Variants in DCDC1 observed in about 807,000 individuals in gnomAD.
The protein encoded by DCDC1 is doublecortin domain containing 1, also known as doublecortin domain-containing protein 1.
Under a neutral mutation model 178.3 loss-of-function variants are expected in DCDC1, and 200 were observed. The ratio of observed to expected loss-of-function variants is 1.12; its 90% CI spans 1.00 to 1.26. DCDC1 has a LOEUF of 1.26. Ranked by LOEUF, DCDC1 falls within the 50% of genes most tolerant of loss-of-function variation. The probability of loss-of-function intolerance (pLI) is 0.00; values close to 1 mark genes in which losing one functional copy is unlikely to be tolerated. For missense variants in DCDC1, 1,983 were observed against 1,749.2 expected (o/e 1.13, Z -2.38); for synonymous variants, 690 against 604.8 (o/e 1.14, Z -2.07).
chr11:31,060,501 T>C (rs993967312), intron 20 of DCDC1, among the ~76,000 whole-genome samples: 4 of 152,118 alleles, frequency 2.6e-5, no homozygotes, highest in Non-Finnish European at 5.9e-5. Flanking sequence ...GACTTTAAAA[T>C]TTAAATACTG....
chr11:31,098,006 T>C (rs1003566907), intron 15 of DCDC1, among the ~76,000 whole-genome samples: 1 of 152,214 alleles, frequency 6.6e-6, no homozygotes, highest in Non-Finnish European at 1.5e-5. Flanking sequence ...TATAATTTGA[T>C]GTTTTTCTTG....
At chr11:30,921,156 A>T (rs1340010941) in intron 24 of DCDC1, among the ~76,000 whole-genome samples, 1 of 152,186 alleles carries the variant, frequency 6.6e-6, no homozygotes, top group African/African-American at 2.4e-5. Flanking sequence ...CTTTCCAAAG[A>T]TCAGTTAATT....
chr11:30,950,640 CA>C (rs1196032153), intron 21 of DCDC1, among the ~76,000 whole-genome samples: 1 of 151,666 alleles, frequency 6.6e-6, no homozygotes, highest in Admixed American at 6.6e-5. Flanking sequence ...TACATAGGAG[CA>C]AAAAAATAAA....
At position 30,905,038 on chromosome 11, in the gene DCDC1, C is replaced by T. The variant is rs781180904; in HGVS notation, c.4231G>A (p.Ala1411Thr). Residue 1411 changes from alanine (A) to threonine (T), a missense_variant, in exon 31 of 39, where the codon GCA becomes ACA. By Grantham distance (58) the Ala-to-Thr change is moderately conservative (BLOSUM62 0). Transcript: ENST00000684477. ...TTTTTGTATGCAATTATTTTCACTG[C>T]CTTCTGGTGTGTGGCTGCCATGCCA... is the stretch of plus-strand genomic sequence containing the variant. ...HSGMAATHQK[A>T]VKIIAYKNGD... 6.2e-7 allele frequency: 1 copy of T among 1,613,868 alleles called. No individual in the cohort carries two copies. Among genetic ancestry groups the T allele is most frequent in the South Asian group, 1.1e-5 (1 of 91,084 alleles).
At chr11:31,361,956 T>C (rs1273330768) in intron 1 of DCDC1, among the ~76,000 whole-genome samples, 2 of 152,328 alleles carry the variant, frequency 1.3e-5, no homozygotes, top group Non-Finnish European at 2.9e-5. Context: ...TATTGTGGGC[T>C]AAGATCAAAA....
At chr11:31,040,220 A>G (rs1300744582) in intron 20 of DCDC1, among the ~76,000 whole-genome samples, 1 of 152,188 alleles carries the variant, frequency 6.6e-6, no homozygotes, top group Non-Finnish European at 1.5e-5. Flanking sequence ...TATAAATACT[A>G]AGTGTCTTAC....
chr11:31,188,460 C>T (rs1402964114), intron 9 of DCDC1, among the ~76,000 whole-genome samples: 1 of 152,154 alleles, frequency 6.6e-6, no homozygotes, highest in Non-Finnish European at 1.5e-5. Flanking sequence ...AATTATAGAA[C>T]AGAAAGGCAG....
intron 23 of DCDC1, among the ~76,000 whole-genome samples, chr11:30,924,951 T>C (rs1946500513): frequency 6.6e-6 from 1 of 151,762 alleles, no homozygotes; most frequent in African/African-American, 2.4e-5. Flanking sequence ...CACATGCCTA[T>C]AATCCCAGCT....
At chr11:31,098,627 C>T (rs924116481) in intron 15 of DCDC1, among the ~76,000 whole-genome samples, 2 of 152,314 alleles carry the variant, frequency 1.3e-5, no homozygotes, top group South Asian at 4.1e-4. Flanking sequence ...TTGTAATCCT[C>T]TTAGTGTGTT....
intron 11 of DCDC1, among the ~76,000 whole-genome samples, chr11:31,111,556 C>G (rs1295337764): frequency 6.6e-6 from 1 of 152,094 alleles, no homozygotes; most frequent in Admixed American, 6.6e-5. Context: ...AAGTAATAAT[C>G]CTGAGTAAAG....
chr11:30,870,742 C>A (rs1359689213), intron 38 of DCDC1, among the ~76,000 whole-genome samples: 1 of 152,114 alleles, frequency 6.6e-6, no homozygotes, highest in Non-Finnish European at 1.5e-5. Flanking sequence ...ATCAAAGTCA[C>A]AGATTCTAAC....
chr11:31,235,409 A>C (rs1976331453), intron 9 of DCDC1, among the ~76,000 whole-genome samples: 1 of 151,964 alleles, frequency 6.6e-6, no homozygotes. Context: ...AGTAGAAAAA[A>C]AAAACACAAC....
At chr11:30,977,766 C>CA in intron 20 of DCDC1, among the ~76,000 whole-genome samples, 2 of 151,906 alleles carry the variant, frequency 1.3e-5, no homozygotes, top group Admixed American at 6.6e-5. Context: ...CCCATCTCTA[C>CA]AAAAAAATAC....
chr11:31,061,984 GA>G (rs1037095830), intron 20 of DCDC1, among the ~76,000 whole-genome samples: 2 of 152,038 alleles, frequency 1.3e-5, no homozygotes, highest in African/African-American at 4.8e-5. Flanking sequence ...AGCAACAACA[GA>G]ATGCAAAAGC....
intron 9 of DCDC1, among the ~76,000 whole-genome samples, chr11:31,152,010 T>A (rs1397560069): frequency 6.6e-6 from 1 of 152,244 alleles, no homozygotes; most frequent in East Asian, 1.9e-4. Context: ...ATTCACTTGA[T>A]GTAATCATTT....
At chr11:31,094,254 C>G (rs76500538) in intron 15 of DCDC1, 70 bp from the exon 16 acceptor site, 1 of 730,516 alleles carries the variant, frequency 1.4e-6, no homozygotes, top group African/African-American at 1.7e-5. Context: ...CACACTTACC[C>G]AAAATAAGTT....
At chr11:31,291,470 G>A (rs1446162657) in intron 6 of DCDC1, among the ~76,000 whole-genome samples, 2 of 152,016 alleles carry the variant, frequency 1.3e-5, no homozygotes, top group African/African-American at 2.4e-5. Flanking sequence ...AAAGCTGTGT[G>A]CAGAAATTTA....
chr11:31,266,350 C>T (rs1945157064), intron 7 of DCDC1, among the ~76,000 whole-genome samples: 1 of 152,102 alleles, frequency 6.6e-6, no homozygotes, highest in Non-Finnish European at 1.5e-5. Flanking sequence ...TCAAGGAAGA[C>T]TTAAACATGC....
At chr11:30,937,904 A>G (rs1207496430) in intron 21 of DCDC1, among the ~76,000 whole-genome samples, 1 of 152,004 alleles carries the variant, frequency 6.6e-6, no homozygotes, top group East Asian at 1.9e-4. Flanking sequence ...CTGCTGACAA[A>G]CAGCTACTTT....
Sources: allele counts gnomAD v4.1 joint callset (sites outside exome capture counted in the v4.1 genomes callset), GRCh38; gene constraint gnomAD v4.1.1; transcripts MANE v1.5; gene names NCBI Gene and HGNC (gene_info 2026-07-23, HGNC 2026-07-21).